Variants in NSD3 observed in about 807,000 individuals in gnomAD.
The protein encoded by NSD3 is nuclear receptor binding SET domain protein 3.
In NSD3, 24 loss-of-function variants were observed where a neutral mutation model predicts 160.8. The ratio of observed to expected loss-of-function variants is 0.15; its 90% CI spans 0.11 to 0.21. The LOEUF (loss-of-function observed/expected upper bound fraction) is 0.21, where lower values mean the gene tolerates loss of function less well. Among genes scored for constraint, NSD3 ranks in the 10% least tolerant of loss-of-function variants. The pLI is 1.00. For synonymous variants in NSD3, 520 were observed against 600.0 expected, an observed-to-expected ratio of 0.87 and a Z score of 1.95; for missense variants, 1,157 against 1,735.9, an observed-to-expected ratio of 0.67 and a Z score of 5.93.
At chr8:38,320,993 C>G in intron 8 of NSD3, 79 bp downstream of exon 8, 1 of 1,373,270 alleles carries the variant, frequency 7.3e-7, no homozygotes, top group African/African-American at 1.4e-5. Context: ...GGGAAAGTTT[C>G]TCTTTCTTTT....
chr8:38,338,457 A>G, intron 3 of NSD3, 79 bp downstream of exon 3: 1 of 1,185,768 alleles, frequency 8.4e-7, no homozygotes, highest in Non-Finnish European at 1.3e-6. Flanking sequence ...GTACCAATAC[A>G]ATTGTGTTGC....
Position 38,273,614 on chromosome 8 carries a change from A to G in NSD3, c.*2027T>C, listed in dbSNP as rs1395964984. The G allele has an allele frequency of 6.6e-6, 1 of 152,256 alleles. No individual in the cohort carries two copies. Among genetic ancestry groups the G allele is most frequent in the African/African-American group, 2.4e-5 (1 of 41,468 alleles). 9.4% of individuals were successfully genotyped at this position (152,256 alleles called of 1,614,324 possible). A position where few individuals can be genotyped will look rare whatever the true frequency, so the allele number is the denominator to read the frequency against. Reference sequence around the variant, plus strand: ...TGTTAGTAAGTTTAAAAAACCAAACATCATATACAAAATAAAATTTTAGTA... The same window carrying G: ...TGTTAGTAAGTTTAAAAAACCAAACGTCATATACAAAATAAAATTTTAGTA... On this transcript the variant is annotated 3_prime_UTR_variant, in exon 24 of 24. Coordinates refer to ENST00000317025, the MANE Select transcript of NSD3 (RefSeq NM_023034.2).
intron 4 of NSD3, 57 bp from the exon 5 acceptor site, chr8:38,331,642 G>C: frequency 6.4e-7 from 1 of 1,571,078 alleles, no homozygotes; most frequent in Non-Finnish European, 8.6e-7. Flanking sequence ...CATCTACTTT[G>C]CCAAAAATGG....
intron 1 of NSD3, among the ~76,000 whole-genome samples, chr8:38,348,924 G>A (rs940703395): frequency 6.6e-6 from 1 of 152,070 alleles, no homozygotes; most frequent in Non-Finnish European, 1.5e-5. Flanking sequence ...CTCCCAAAGT[G>A]CTAGGATTAT....
intron 13 of NSD3, 68 bp from the exon 14 acceptor site, chr8:38,304,825 G>A: frequency 1.3e-6 from 2 of 1,497,922 alleles, no homozygotes; most frequent in Non-Finnish European, 1.8e-6. Flanking sequence ...AGTTTCTGGA[G>A]TTGGGCTTTT....
At chr8:38,293,971 C>T (rs769652826) in intron 16 of NSD3, among the ~76,000 whole-genome samples, 10 of 142,590 alleles carry the variant, frequency 7.0e-5, no homozygotes, top group South Asian at 2.3e-4. Flanking sequence ...TATATTTTAC[C>T]TAGGATTCTA....
intron 21 of NSD3, 65 bp downstream of exon 21, chr8:38,279,475 C>T: frequency 1.3e-6 from 2 of 1,570,298 alleles, no homozygotes; most frequent in South Asian, 1.2e-5. Flanking sequence ...AGAACCATGT[C>T]CTAGCTCTAT....
Position 38,309,640 on chromosome 8 carries a change from C to CA in NSD3, c.2243-4196dup, listed in dbSNP as rs148676189. ...TGCACTTCAGCCTGGGCAATGGGAC[C>CA]AAAAAAAAGAAGTCAGTCCATCGGT... On this transcript the variant is annotated intron_variant, in intron 12 of 23. Coordinates refer to ENST00000317025, the MANE Select transcript of NSD3 (RefSeq NM_023034.2). 7.4e-3 allele frequency among the ~76,000 whole-genome samples: 1,124 copies of CA among 151,030 alleles called. 34 individuals carry two copies. Among genetic ancestry groups the CA allele is most frequent in the East Asian group, 0.057 (295 of 5,162 alleles).
At chr8:38,283,417 CA>C (rs1371462527) in intron 19 of NSD3, among the ~76,000 whole-genome samples, 2 of 110,436 alleles carry the variant, frequency 1.8e-5, no homozygotes, top group African/African-American at 7.1e-5. Context: ...TCCCACCCCC[CA>C]CCCCACAAAT....
At chr8:38,296,710 G>A (rs969080954) in intron 15 of NSD3, among the ~76,000 whole-genome samples, 24 of 134,076 alleles carry the variant, frequency 1.8e-4, no homozygotes, top group African/African-American at 5.3e-4. Flanking sequence ...GTGTGTGTGT[G>A]TGTGTATGTG....
In NSD3 at chr8:38,302,262, G is replaced by A. The variant is rs75499868; in HGVS notation, c.2611+2325C>T. ...AGAAATGACTAAAGTGCTCCTTTCTGTGTGTGGATTTATTACAGTTATGTC... is the reference window on the plus strand; with the variant it reads ...AGAAATGACTAAAGTGCTCCTTTCTATGTGTGGATTTATTACAGTTATGTC... On this transcript the variant is annotated intron_variant, in intron 14 of 23. Transcript: ENST00000317025. 7.9e-5 allele frequency among the ~76,000 whole-genome samples: 12 copies of A among 152,326 alleles called. No homozygotes were observed. In the East Asian group the frequency reaches 1.7e-3, roughly 22 times the overall value.
intron 16 of NSD3, among the ~76,000 whole-genome samples, chr8:38,294,931 C>T (rs1306558950): frequency 6.6e-6 from 1 of 151,526 alleles, no homozygotes; most frequent in East Asian, 2.0e-4. Context: ...ATCACAAGGT[C>T]AGGAGATCGA....
intron 15 of NSD3, among the ~76,000 whole-genome samples, chr8:38,299,084 T>A (rs1467539743): frequency 6.6e-6 from 1 of 152,182 alleles, no homozygotes; most frequent in African/African-American, 2.4e-5. Flanking sequence ...TTATACCCTA[T>A]CTTTTCTATT....
Position 38,270,999 on chromosome 8 carries a change from G to C in NSD3, c.*4642C>G, listed in dbSNP as rs1563336783. The stretch of plus-strand genomic sequence containing the variant: ...TAACGTAAGTGCAATTTTTTGTTTT[G>C]TTTTTTTCCCTACATAGACATAGTA... On this transcript the variant is annotated 3_prime_UTR_variant, in exon 24 of 24. Coordinates refer to ENST00000317025, the MANE Select transcript of NSD3 (RefSeq NM_023034.2). 2 of 152,052 alleles carry C rather than the reference G, an allele frequency of 1.3e-5. No individual in the cohort carries two copies. Among genetic ancestry groups the C allele is most frequent in the East Asian group, 3.9e-4 (2 of 5,184 alleles). The allele number at this position is 152,052 out of a possible 1,614,324, so 9.4% of individuals were successfully genotyped here.
chr8:38,330,005 C>T, intron 5 of NSD3, 112 bp from the exon 6 acceptor site: 2 of 1,310,904 alleles, frequency 1.5e-6, no homozygotes, highest in Non-Finnish European at 2.1e-6. Flanking sequence ...TAAATATCTT[C>T]AGGTTCTTTG....
At chr8:38,364,335 CATAA>C (rs1204003597) in intron 1 of NSD3, among the ~76,000 whole-genome samples, 4 of 151,898 alleles carry the variant, frequency 2.6e-5, no homozygotes, top group African/African-American at 9.7e-5. Flanking sequence ...CCCATTACAA[CATAA>C]ATAGTTTTAT....
intron 3 of NSD3, among the ~76,000 whole-genome samples, chr8:38,338,292 T>G (rs1810273243): frequency 1.4e-5 from 2 of 137,978 alleles, no homozygotes; most frequent in Non-Finnish European, 3.1e-5. Flanking sequence ...AGAGTGAGAC[T>G]CCGTCTCAAA....
chr8:38,379,007 TCAA>T (rs1251662150), intron 1 of NSD3, among the ~76,000 whole-genome samples: 1 of 151,958 alleles, frequency 6.6e-6, no homozygotes, highest in Non-Finnish European at 1.5e-5. Flanking sequence ...GACAGTTCAC[TCAA>T]CAATCACCAA....
At chr8:38,295,665 T>G in intron 16 of NSD3, 131 bp downstream of exon 16, 3 of 879,668 alleles carry the variant, frequency 3.4e-6, no homozygotes, top group South Asian at 2.2e-5. Context: ...ACATGGTTCT[T>G]TTCTTTTTTT....
Sources: gnomAD v4.1 joint callset for allele counts (sites outside exome capture counted in the v4.1 genomes callset) on GRCh38, gnomAD v4.1.1 for gene constraint, MANE v1.5 for transcripts, NCBI Gene and HGNC (gene_info 2026-07-23, HGNC 2026-07-21) for gene names.